MORC2: variants seen among roughly 807,000 people sequenced by gnomAD.
MORC2 encodes MORC family CW-type zinc finger 2, also known as ATPase MORC2.
Under a neutral mutation model 136.0 loss-of-function variants are expected in MORC2, and 30 were observed. The ratio of observed to expected loss-of-function variants is 0.22; its 90% CI spans 0.17 to 0.30. MORC2 has a LOEUF of 0.30. Among genes scored for constraint, MORC2 ranks in the 10% least tolerant of loss-of-function variants. The pLI, the probability that MORC2 is intolerant of heterozygous loss-of-function variation, is 1.00. For missense variants in MORC2, 922 were observed against 1,333.1 expected (o/e 0.69, Z 4.80); for synonymous variants, 439 against 487.0 (o/e 0.90, Z 1.30).
Position 30,937,015 on chromosome 22 carries a change from G to T in MORC2, c.1521C>A (p.Thr507=). 6.2e-7 allele frequency: 1 copy of T among 1,613,908 alleles called. No homozygotes were observed. The highest frequency in any genetic ancestry group is 8.5e-7 in the Non-Finnish European group (1 of 1,179,918). The change falls in exon 16 of 26, where the codon ACC becomes ACA. Residue 507 remains threonine, a synonymous_variant. Coordinates refer to ENST00000397641, the MANE Select transcript of MORC2 (RefSeq NM_001303256.3). The surrounding 1 kb of genome is among the most constrained non-coding windows in gnomAD (Gnocchi z 4.7). ...CCACAGAACTCAGCTGGAAGGGGAG[G>T]GTTCTCCATTTCAGACACAAATCTG... ...IQCDLCLKWR[T]LPFQLSSVEK...
intron 5 of MORC2, among the ~76,000 whole-genome samples, chr22:30,948,462 T>C (rs564458077): frequency 6.6e-6 from 1 of 152,168 alleles, no homozygotes; most frequent in African/African-American, 2.4e-5. Flanking sequence ...CAATCTGCCA[T>C]GGAAACATCA....
intron 6 of MORC2, among the ~76,000 whole-genome samples, chr22:30,944,193 A>G (rs1386592864): frequency 1.3e-5 from 2 of 152,176 alleles, no homozygotes; most frequent in East Asian, 1.9e-4. Context: ...AATCCAAAAT[A>G]GCGACCTTCT....
chr22:30,943,637 C>A (rs2040772948), intron 6 of MORC2, among the ~76,000 whole-genome samples: 1 of 152,218 alleles, frequency 6.6e-6, no homozygotes, highest in Non-Finnish European at 1.5e-5. Context: ...AGGCTAAGCA[C>A]CTCAGGGGTT....
rs370934410 is a variant in MORC2 at position 30,934,208 on chromosome 22, G to A, written c.2194-17C>T. ...AGGGGTAGCCTAGAGCAAGAGGAGC[G>A]TGAGGATGTGAGGGGCCCTGTTCAG... On this transcript the variant is annotated splice_polypyrimidine_tract_variant and intron_variant, in intron 19 of 25. Coordinates refer to ENST00000397641, the MANE Select transcript of MORC2 (RefSeq NM_001303256.3). The surrounding 1 kb of genome is among the most constrained non-coding windows in gnomAD (Gnocchi z 4.4). 4.0e-5 allele frequency: 64 copies of A among 1,614,026 alleles called. No individual in the cohort carries two copies. In the African/African-American group the frequency reaches 5.6e-4, roughly 14 times the overall value.
At chr22:30,949,960 T>C in intron 4 of MORC2, 118 bp from the exon 5 acceptor site, 1 of 874,764 alleles carries the variant, frequency 1.1e-6, no homozygotes, top group Non-Finnish European at 1.8e-6. Context: ...TGAAAACCTC[T>C]CTCCAAGGAA....
chr22:30,967,695 G>C lies in MORC2; in HGVS notation c.68+127C>G, dbSNP rs1351384656. The C allele has an allele frequency of 1.0e-5, 15 of 1,486,192 alleles. 1 individual carries two copies. The highest frequency in any genetic ancestry group is 1.3e-5 in the Non-Finnish European group (14 of 1,116,768). The allele number at this position is 1,486,192 out of a possible 1,614,324, so 92.1% of individuals were successfully genotyped here. A position where few individuals can be genotyped will look rare whatever the true frequency, so the allele number is the denominator to read the frequency against. ...CAATACAGAGCTCAAGATATCCAGT[G>C]ACACATTTCACTCCAGTGGGATACA... is the stretch of plus-strand genomic sequence containing the variant. On this transcript the variant is annotated intron_variant, in intron 1 of 25. Coordinates refer to ENST00000397641, the MANE Select transcript of MORC2 (RefSeq NM_001303256.3).
chr22:30,942,058 T>A, intron 7 of MORC2, 54 bp downstream of exon 7: 2 of 1,609,486 alleles, frequency 1.2e-6, no homozygotes, highest in Non-Finnish European at 1.7e-6. Flanking sequence ...CCCACACTAC[T>A]TGTGATTCTG....
At chr22:30,958,620 G>T in intron 2 of MORC2, 21 bp downstream of exon 2, 1 of 1,535,748 alleles carries the variant, frequency 6.5e-7, no homozygotes, top group Non-Finnish European at 8.8e-7. Flanking sequence ...AGCACAGATT[G>T]TATGCCTGAA....
intron 1 of MORC2, chr22:30,963,163 A>G: frequency 4.3e-6 from 1 of 232,668 alleles, no homozygotes; most frequent in Non-Finnish European, 7.1e-6. Flanking sequence ...TTTTTAGTAC[A>G]GACGGGGTTT....
chr22:30,952,501 A>C (rs968386832), intron 3 of MORC2, among the ~76,000 whole-genome samples: 1 of 152,180 alleles, frequency 6.6e-6, no homozygotes, highest in Non-Finnish European at 1.5e-5. Flanking sequence ...CTTCATTTCA[A>C]AGCTTTTTCG....
chr22:30,962,388 C>T (rs147737153), intron 1 of MORC2, among the ~76,000 whole-genome samples: 172 of 151,796 alleles, frequency 1.1e-3, no homozygotes, highest in African/African-American at 3.8e-3. Flanking sequence ...CACGGCAAAA[C>T]CCCCATCTCT....
In MORC2 at chr22:30,939,582, C is replaced by T. The variant is rs560571673; in HGVS notation, c.1073+39G>A. ...CTGTCAATAATCAGTCCAAAAGCTA[C>T]GTCAGTTTAAAAGATCCAAGGACAG... On this transcript the variant is annotated intron_variant, in intron 12 of 25. Coordinates refer to ENST00000397641, the MANE Select transcript of MORC2 (RefSeq NM_001303256.3). 579 of 1,598,010 alleles carry T rather than the reference C, an allele frequency of 3.6e-4. 7 individuals are homozygous for T. In the South Asian group the frequency reaches 6.0e-3, roughly 16 times the overall value.
In MORC2 at chr22:30,932,446, A is replaced by G. The variant is rs767914603; in HGVS notation, c.2754T>C (p.Cys918=). Residue 918 remains cysteine, a synonymous_variant, in exon 24 of 26, where the codon TGT becomes TGC. Coordinates refer to ENST00000397641, the MANE Select transcript of MORC2 (RefSeq NM_001303256.3). This position sits in a 1 kb window ranked among gnomAD's most constrained non-coding sequence, Gnocchi z 4.4. ...IDLLVQILRN[C]LRYFLPPSFP... is the part of the protein sequence containing the mutation. Reference sequence around the variant, plus strand: ...AACTTGGAGGCAGGAAGTACCGTAAACAATTCCTAAAGAAGGCAGGGACAG... The same window carrying G: ...AACTTGGAGGCAGGAAGTACCGTAAGCAATTCCTAAAGAAGGCAGGGACAG... The G allele has an allele frequency of 3.5e-5, 57 of 1,613,864 alleles. No homozygotes were observed. The Admixed American group carries it at 9.5e-4, about 27-fold the overall frequency.
intron 12 of MORC2, among the ~76,000 whole-genome samples, chr22:30,939,002 G>T (rs1308243764): frequency 1.3e-5 from 2 of 152,184 alleles, no homozygotes; most frequent in African/African-American, 4.8e-5. Flanking sequence ...GACTTGGAGA[G>T]AAAAAACCTG....
In MORC2 at chr22:30,935,234, C is replaced by G. The variant is rs371904598; in HGVS notation, c.1812+14G>C. 5.0e-6 allele frequency: 8 copies of G among 1,612,924 alleles called. No homozygotes were observed. The highest frequency in any genetic ancestry group is 6.8e-6 in the Non-Finnish European group (8 of 1,179,560). ...CACCTGAGGAAAAGCCCTTCCCAGG[C>G]CCCTGGACTTCACCTCAGTGGAAGG... On this transcript the variant is annotated intron_variant, in intron 18 of 25. Coordinates refer to ENST00000397641, the MANE Select transcript of MORC2 (RefSeq NM_001303256.3).
At chr22:30,967,402 T>A (rs2041144440) in intron 1 of MORC2, 2 of 987,576 alleles carry the variant, frequency 2.0e-6, no homozygotes, top group South Asian at 9.3e-5. Context: ...AAATGTCTTC[T>A]GTTTTCTTGT....
At position 30,961,285 on chromosome 22, in the gene MORC2, T is replaced by G. The variant is rs2285921; in HGVS notation, c.69-2591A>C. On this transcript the variant is annotated intron_variant, in intron 1 of 25. Transcript: ENST00000397641. ...GAATTATCACTTTAAATTCTTTAAATTACCAACTAAATAAACAAAAAGTAT... is the reference window on the plus strand; with the variant it reads ...GAATTATCACTTTAAATTCTTTAAAGTACCAACTAAATAAACAAAAAGTAT... Among the ~76,000 whole-genome samples, 30 of 152,296 alleles carry G rather than the reference T, an allele frequency of 2.0e-4. No homozygotes were observed. The East Asian group carries it at 5.6e-3, about 28-fold the overall frequency.
chr22:30,964,209 T>C (rs913239503), intron 1 of MORC2, among the ~76,000 whole-genome samples: 1 of 152,032 alleles, frequency 6.6e-6, no homozygotes, highest in Non-Finnish European at 1.5e-5. Flanking sequence ...TACAAAAAAT[T>C]ACCCAGGCAT....
At chr22:30,953,679 A>C (rs2040924825) in intron 3 of MORC2, among the ~76,000 whole-genome samples, 1 of 152,198 alleles carries the variant, frequency 6.6e-6, no homozygotes. Flanking sequence ...CACGAAAAGG[A>C]TCTTTCTTCC....
Sources: allele counts gnomAD v4.1 joint callset (sites outside exome capture counted in the v4.1 genomes callset), GRCh38; gene constraint gnomAD v4.1.1; non-coding constraint Gnocchi (gnomAD v3.1); transcripts MANE v1.5; gene names NCBI Gene and HGNC (gene_info 2026-07-23, HGNC 2026-07-21).